Variants in IL15 observed in about 807,000 individuals in gnomAD.
IL15 encodes the protein interleukin 15.
IL15 carries 11 observed loss-of-function variants against 19.6 expected under a neutral mutation model. The observed-to-expected ratio is 0.56, with a 90% CI of 0.35 to 0.93. The LOEUF (loss-of-function observed/expected upper bound fraction) is 0.93. Among genes scored for constraint, IL15 ranks in the 40% least tolerant of loss-of-function variants. The probability of loss-of-function intolerance (pLI) is 0.01; values close to 1 mark genes in which losing one functional copy is unlikely to be tolerated. For synonymous variants in IL15, 58 were observed against 59.6 expected (o/e 0.97, Z 0.12); for missense variants, 197 against 186.5 (o/e 1.06, Z -0.33).
intron 2 of IL15, among the ~76,000 whole-genome samples, chr4:141,664,342 A>AC (rs1157673858): frequency 2.3e-5 from 3 of 130,950 alleles, no homozygotes; most frequent in Non-Finnish European, 4.8e-5. Flanking sequence ...TGGTGGGCAA[A>AC]ACACACACAC....
chr4:141,637,029 C>T (rs1487432659), intron 1 of IL15: 2 of 152,322 alleles, frequency 1.3e-5, no homozygotes, highest in African/African-American at 4.8e-5. Flanking sequence ...GTGCGACTCC[C>T]TACTGCGCTG....
chr4:141,642,135 T>G (rs1231254126), intron 1 of IL15, among the ~76,000 whole-genome samples: 1 of 152,190 alleles, frequency 6.6e-6, no homozygotes, highest in Non-Finnish European at 1.5e-5. Context: ...TATCAACTTT[T>G]CAAATTGCCC....
At chr4:141,660,749 GTTGA>G (rs1727760065) in intron 2 of IL15, among the ~76,000 whole-genome samples, 1 of 152,066 alleles carries the variant, frequency 6.6e-6, no homozygotes, top group South Asian at 2.1e-4. Flanking sequence ...TTCTCTAATT[GTTGA>G]TTATTATAAA....
intron 2 of IL15, among the ~76,000 whole-genome samples, chr4:141,672,378 T>G (rs1728203938): frequency 6.6e-6 from 1 of 152,212 alleles, no homozygotes; most frequent in Admixed American, 6.5e-5. Context: ...TAACCAATGG[T>G]TACAGAGCAT....
intron 1 of IL15, among the ~76,000 whole-genome samples, chr4:141,650,516 A>G (rs558752779): frequency 7.4e-4 from 112 of 152,202 alleles, no homozygotes; most frequent in African/African-American, 2.6e-3. Context: ...GCTTTGTGCT[A>G]TGGTAACTGA....
rs538745494 is a variant in IL15 at position 141,709,168 on chromosome 4, T to C, written c.-99-10198T>C. Among the ~76,000 whole-genome samples the C allele has an allele frequency of 2.0e-5, 3 of 152,148 alleles. No homozygotes were observed. In the South Asian group the frequency reaches 6.2e-4, roughly 32 times the overall value. On this transcript the variant is annotated intron_variant, in intron 2 of 7. Transcript: ENST00000320650. ...TTCAATACTATTAATTTTTTGGTTTTGTGATCATATAATGTAACAAGTATG... is the reference window on the plus strand; with the variant it reads ...TTCAATACTATTAATTTTTTGGTTTCGTGATCATATAATGTAACAAGTATG...
At chr4:141,658,280 CT>C (rs1395541889) in intron 2 of IL15, among the ~76,000 whole-genome samples, 2 of 152,116 alleles carry the variant, frequency 1.3e-5, no homozygotes, top group Non-Finnish European at 2.9e-5. Context: ...CCCAGTCATG[CT>C]TCCTGTATAA....
At chr4:141,642,192 A>T (rs967111586) in intron 1 of IL15, among the ~76,000 whole-genome samples, 2 of 152,100 alleles carry the variant, frequency 1.3e-5, no homozygotes, top group Non-Finnish European at 2.9e-5. Context: ...AAGATTCTGG[A>T]TAGGGAGAGA....
At chr4:141,656,019 A>G (rs1028085067) in intron 1 of IL15, among the ~76,000 whole-genome samples, 167 bp from the exon 2 acceptor site, 2 of 152,222 alleles carry the variant, frequency 1.3e-5, no homozygotes, top group African/African-American at 2.4e-5. Flanking sequence ...GATTGTAGAA[A>G]AGATTTCCCC....
intron 1 of IL15, among the ~76,000 whole-genome samples, chr4:141,646,881 A>T (rs956051911): frequency 1.3e-5 from 2 of 152,096 alleles, no homozygotes; most frequent in African/African-American, 4.8e-5. Flanking sequence ...TATTTTATTC[A>T]TTGCTATATT....
intron 2 of IL15, among the ~76,000 whole-genome samples, chr4:141,681,207 C>G (rs1328849880): frequency 6.6e-6 from 1 of 151,692 alleles, no homozygotes; most frequent in African/African-American, 2.4e-5. Flanking sequence ...TTGCTCTGAT[C>G]TCTTATATAA....
At chr4:141,657,717 G>T (rs538707961) in intron 2 of IL15, among the ~76,000 whole-genome samples, 2 of 152,066 alleles carry the variant, frequency 1.3e-5, no homozygotes, top group East Asian at 1.9e-4. Context: ...TCACTGGAAG[G>T]TCTCCAGGGG....
chr4:141,724,667 A>G (rs2152191384), intron 5 of IL15, among the ~76,000 whole-genome samples: 1 of 152,280 alleles, frequency 6.6e-6, no homozygotes, highest in South Asian at 2.1e-4. Flanking sequence ...AAAAACTATG[A>G]ACAATTTTAT....
intron 2 of IL15, among the ~76,000 whole-genome samples, chr4:141,684,694 A>G (rs1287218065): frequency 6.6e-6 from 1 of 152,216 alleles, no homozygotes; most frequent in Non-Finnish European, 1.5e-5. Context: ...CCACTCTTCA[A>G]AACTAACCTC....
chr4:141,684,760 TTTA>T (rs1728654906), intron 2 of IL15, among the ~76,000 whole-genome samples: 1 of 152,196 alleles, frequency 6.6e-6, no homozygotes, highest in South Asian at 2.1e-4. Flanking sequence ...TTCAGTATTA[TTTA>T]TTATTTATTT....
At chr4:141,726,798 A>C (rs888559158) in intron 5 of IL15, among the ~76,000 whole-genome samples, 1 of 152,186 alleles carries the variant, frequency 6.6e-6, no homozygotes, top group Non-Finnish European at 1.5e-5. Context: ...TCTCCAGGGT[A>C]TTATGATGAG....
At chr4:141,699,538 T>A (rs72712423) in intron 2 of IL15, among the ~76,000 whole-genome samples, 17,560 of 152,198 alleles carry the variant, frequency 0.12, 1,111 homozygotes, top group Non-Finnish European at 0.15. Context: ...AATTTAGGAT[T>A]GTAGCATCTT....
intron 2 of IL15, among the ~76,000 whole-genome samples, chr4:141,671,526 A>T (rs1227455360): frequency 6.6e-6 from 1 of 151,858 alleles, no homozygotes; most frequent in South Asian, 2.1e-4. Context: ...TGACTGAGTG[A>T]TTTTCTCCCT....
chr4:141,731,696 A>T (rs766784671), intron 7 of IL15, among the ~76,000 whole-genome samples: 50 of 152,190 alleles, frequency 3.3e-4, no homozygotes, highest in Admixed American at 1.9e-3. Context: ...ATCTGACATG[A>T]TTATTTTCAG....
Sources: gnomAD v4.1 joint callset for allele counts (sites outside exome capture counted in the v4.1 genomes callset) on GRCh38, gnomAD v4.1.1 for gene constraint, MANE v1.5 for transcripts, NCBI Gene and HGNC (gene_info 2026-07-23, HGNC 2026-07-21) for gene names.